The following ZNF157 variants were observed in gnomAD, a reference collection of about 807,000 sequenced individuals.
ZNF157 encodes the protein zinc finger protein 22.
A neutral mutation model predicts 9.4 loss-of-function variants in ZNF157; 8 were observed. That is an observed-to-expected ratio of 0.85 (90% CI 0.50 to 1.53). The LOEUF (loss-of-function observed/expected upper bound fraction) is 1.53, where lower values mean the gene tolerates loss of function less well. Among genes scored for constraint, ZNF157 ranks in the 40% most tolerant of loss-of-function variants. The pLI is 0.00. For synonymous variants in ZNF157, 120 were observed against 130.8 expected (o/e 0.92, Z 0.56); for missense variants, 316 against 385.2 (o/e 0.82, Z 1.50).
chrX:47,413,818 G>A lies in ZNF157; in HGVS notation c.*224G>A. On this transcript the variant is annotated 3_prime_UTR_variant, in exon 4 of 4. Coordinates refer to ENST00000377073, the MANE Select transcript of ZNF157 (RefSeq NM_003446.4). ...TTTCTTCTGTGCATTGACTGTTCAT[G>A]TCCTCTGCTCATTGTTTTCAAATGG... The A allele has an allele frequency of 2.6e-6, 1 of 378,913 alleles. No individual in the cohort carries two copies. The highest frequency in any genetic ancestry group is 4.1e-6 in the Non-Finnish European group (1 of 242,885). The allele number at this position is 378,913 out of a possible 1,213,427, so 31.2% of individuals were successfully genotyped here. A position where few individuals can be genotyped will look rare whatever the true frequency, so the allele number is the denominator to read the frequency against.
Position 47,391,678 on chromosome X carries a change from G to A in ZNF157, c.73-18598G>A, listed in dbSNP as rs891392401. ...CAATTCTCCTGTCTCAGTCTCCTGA[G>A]TAGCTGGCACTACAGGCATGTGCCA... On this transcript the variant is annotated intron_variant, in intron 1 of 3. Transcript: ENST00000377073. Among the ~76,000 whole-genome samples, 20 of 110,949 alleles carry A rather than the reference G, an allele frequency of 1.8e-4. No individual in the cohort carries two copies. In the East Asian group the frequency reaches 4.5e-3, roughly 25 times the overall value.
At position 47,410,397 on chromosome X, in the gene ZNF157, C is replaced by A; in HGVS notation, c.194C>A (p.Ser65Tyr). 5 of 1,210,905 alleles carry A rather than the reference C, an allele frequency of 4.1e-6. No homozygotes were observed. The highest frequency in any genetic ancestry group is 5.6e-6 in the Non-Finnish European group (5 of 895,004). Residue 65 changes from serine to tyrosine, a missense_variant, in exon 2 of 4, where the codon TCT becomes TAT. This residue lies in a region of ZNF157 where 146 missense variants were observed against 183.8 expected (regional missense o/e 0.79). Coordinates refer to ENST00000377073, the MANE Select transcript of ZNF157 (RefSeq NM_003446.4). Reference sequence around the variant, plus strand: ...CTGGAGACCTACAGCAACCTGGCATCTGTGGGTGAGGATGATTGTCCGTGT... The same window carrying A: ...CTGGAGACCTACAGCAACCTGGCATATGTGGGTGAGGATGATTGTCCGTGT... ...VMLETYSNLASVGLCVAKPEM... is the reference protein window; with the variant it reads ...VMLETYSNLAYVGLCVAKPEM...
chrX:47,393,875 C>T (rs2055905557), intron 1 of ZNF157, among the ~76,000 whole-genome samples: 1 of 109,220 alleles, frequency 9.2e-6, no homozygotes, highest in African/African-American at 3.3e-5. Flanking sequence ...GTATGGGGCT[C>T]AAAGTTCCAA....
intron 1 of ZNF157, among the ~76,000 whole-genome samples, chrX:47,387,246 C>T (rs892987277): frequency 9.0e-6 from 1 of 110,693 alleles, no homozygotes; most frequent in South Asian, 3.9e-4. Flanking sequence ...CCTCAGCCTC[C>T]CGAGTAGCCT....
At chrX:47,384,175 G>A (rs1427878212) in intron 1 of ZNF157, among the ~76,000 whole-genome samples, 1 of 110,572 alleles carries the variant, frequency 9.0e-6, no homozygotes, top group East Asian at 2.8e-4. Flanking sequence ...CTTCTCAGGA[G>A]GCTGCAGTGA....
intron 1 of ZNF157, among the ~76,000 whole-genome samples, chrX:47,402,704 TA>T (rs1315491421): frequency 9.3e-6 from 1 of 107,605 alleles, no homozygotes; most frequent in African/African-American, 3.4e-5. Context: ...CACGCCCGGC[TA>T]ATTTTTGTTT....
intron 1 of ZNF157, among the ~76,000 whole-genome samples, chrX:47,385,544 CGTGTGT>C (rs10687283): frequency 0.062 from 5,559 of 90,302 alleles, 422 homozygotes; most frequent in African/African-American, 0.2. Flanking sequence ...TAAGCGATTC[CGTGTGT>C]GTGTGTGTGT....
chrX:47,389,778 G>A (rs1158283818), intron 1 of ZNF157, among the ~76,000 whole-genome samples: 1 of 111,538 alleles, frequency 9.0e-6, no homozygotes, highest in Non-Finnish European at 1.9e-5. Flanking sequence ...GCACATGCCT[G>A]TAGTACCAGC....
chrX:47,375,772 C>T (rs1298104144), intron 1 of ZNF157, among the ~76,000 whole-genome samples: 3 of 110,065 alleles, frequency 2.7e-5, no homozygotes, highest in African/African-American at 1.0e-4. Context: ...CTGCTCACTG[C>T]AGCCTCTACC....
chrX:47,381,604 A>G (rs2055863798), intron 1 of ZNF157, among the ~76,000 whole-genome samples: 1 of 112,076 alleles, frequency 8.9e-6, no homozygotes, highest in Non-Finnish European at 1.9e-5. Flanking sequence ...TTAAGCCTGT[A>G]TCCTGTGACT....
chrX:47,393,987 G>A (rs181956751), intron 1 of ZNF157, among the ~76,000 whole-genome samples: 3 of 106,129 alleles, frequency 2.8e-5, no homozygotes, highest in African/African-American at 1.0e-4. Context: ...TTTTGAGATG[G>A]GGTCTTGCAC....
At chrX:47,370,817 A>T (rs2055826571) in intron 1 of ZNF157, 77 bp downstream of exon 1, 8 of 903,442 alleles carry the variant, frequency 8.9e-6, no homozygotes, top group Non-Finnish European at 1.2e-5. Context: ...ATATTTTGAG[A>T]TAATTGTAGA....
At chrX:47,405,320 T>C (rs774046486) in intron 1 of ZNF157, among the ~76,000 whole-genome samples, 2 of 108,458 alleles carry the variant, frequency 1.8e-5, no homozygotes, top group East Asian at 5.8e-4. Flanking sequence ...ACCTCAGAGG[T>C]GGAGGTTGCA....
intron 1 of ZNF157, among the ~76,000 whole-genome samples, chrX:47,407,419 T>C (rs967847436): frequency 5.3e-5 from 6 of 112,296 alleles, no homozygotes; most frequent in Non-Finnish European, 1.1e-4. Flanking sequence ...GATGTATTCC[T>C]TAAATATTTG....
chrX:47,394,073 C>T lies in ZNF157; in HGVS notation c.73-16203C>T, dbSNP rs764512177. Among the ~76,000 whole-genome samples the T allele has an allele frequency of 1.2e-4, 13 of 108,696 alleles. No homozygotes were observed. In the South Asian group the frequency reaches 2.4e-3, roughly 20 times the overall value. 94.4% of individuals were successfully genotyped at this position (108,696 alleles called of 115,157 possible). On this transcript the variant is annotated intron_variant, in intron 1 of 3. Coordinates refer to ENST00000377073, the MANE Select transcript of ZNF157 (RefSeq NM_003446.4). ...TGCCTCCCAGGTTCACACCATTCTC[C>T]GCCTCAGCCTCCCGAGTAGCTGGGA...
chrX:47,401,535 G>A (rs2055930361), intron 1 of ZNF157, among the ~76,000 whole-genome samples: 1 of 111,812 alleles, frequency 8.9e-6, no homozygotes, highest in Non-Finnish European at 1.9e-5. Context: ...ATTAGGTACT[G>A]TGTTTCTCAC....
chrX:47,382,116 G>A (rs1338762142), intron 1 of ZNF157, among the ~76,000 whole-genome samples: 3 of 109,206 alleles, frequency 2.7e-5, no homozygotes, highest in Non-Finnish European at 5.7e-5. Context: ...ATGTGAGAGG[G>A]GATAGAATAG....
intron 3 of ZNF157, 51 bp downstream of exon 3, chrX:47,410,826 C>A: frequency 2.0e-6 from 2 of 1,022,462 alleles, no homozygotes; most frequent in African/African-American, 1.9e-5. Context: ...AAATAAGAGC[C>A]CAGGAATTCA....
chrX:47,409,570 T>A (rs1379486734), intron 1 of ZNF157, among the ~76,000 whole-genome samples: 1 of 108,144 alleles, frequency 9.2e-6, no homozygotes, highest in Non-Finnish European at 1.9e-5. Context: ...CTCGAACTCC[T>A]GACCTCAAGT....
Sources: allele counts gnomAD v4.1 joint callset (sites outside exome capture counted in the v4.1 genomes callset), GRCh38; gene constraint gnomAD v4.1.1; regional missense constraint gnomAD v4.1.1; transcripts MANE v1.5; gene names NCBI Gene and HGNC (gene_info 2026-07-23, HGNC 2026-07-21).